The following DNASE1L3 variants were observed in gnomAD, a reference collection of about 807,000 sequenced individuals.
DNASE1L3 encodes deoxyribonuclease 1L3.
Under a neutral mutation model 30.9 loss-of-function variants are expected in DNASE1L3, and 27 were observed. The ratio of observed to expected loss-of-function variants is 0.87; its 90% CI spans 0.64 to 1.20. The LOEUF (loss-of-function observed/expected upper bound fraction) is 1.20, where lower values mean the gene tolerates loss of function less well. Among genes scored for constraint, DNASE1L3 ranks in the 50% most tolerant of loss-of-function variants. The pLI, the probability that DNASE1L3 is intolerant of heterozygous loss-of-function variation, is 0.00. For synonymous variants in DNASE1L3, 135 were observed against 138.0 expected (o/e 0.98, Z 0.15); for missense variants, 364 against 378.2 (o/e 0.96, Z 0.31).
Position 58,204,750 on chromosome 3 carries a change from A to G in DNASE1L3, c.433+19T>C, listed in dbSNP as rs775080201. The G allele has an allele frequency of 3.7e-6, 6 of 1,606,554 alleles. No homozygotes were observed. Among genetic ancestry groups the G allele is most frequent in the Non-Finnish European group, 4.3e-6 (5 of 1,173,696 alleles). ...GCCGTTGGGGAGGTCCCAGACAGAA[A>G]GGCCTGTGTGGGTCTTACCAGTGTG... is the stretch of plus-strand genomic sequence containing the variant. On this transcript the variant is annotated intron_variant, in intron 4 of 7. Coordinates refer to ENST00000394549, the MANE Select transcript of DNASE1L3 (RefSeq NM_004944.4).
intron 4 of DNASE1L3, among the ~76,000 whole-genome samples, chr3:58,202,344 G>A (rs1426130105): frequency 1.5e-5 from 1 of 68,334 alleles, no homozygotes; most frequent in Admixed American, 2.3e-4. Flanking sequence ...TTTTTTTTTG[G>A]TAGAGACAGG....
chr3:58,201,048 G>A lies in DNASE1L3; in HGVS notation c.495C>T (p.Ile165=), dbSNP rs142361820. The change falls in exon 5 of 8, where the codon ATC becomes ATT. Residue 165 remains isoleucine (I), a synonymous_variant. Transcript: ENST00000394549. ...CCGTGTAGACCTCAACCAACTCATCGATCTCCTTAACGGATGTCTCTGGGG... is the reference window on the plus strand; with the variant it reads ...CCGTGTAGACCTCAACCAACTCATCAATCTCCTTAACGGATGTCTCTGGGG... ...HTTPETSVKE[I]DELVEVYTDV... is the part of the protein sequence containing the mutation. The A allele has an allele frequency of 1.2e-5, 20 of 1,613,042 alleles. No homozygotes were observed. The highest frequency in any genetic ancestry group is 2.2e-5 in the East Asian group (1 of 44,836).
At chr3:58,208,695 AC>A (rs2097405665) in intron 1 of DNASE1L3, among the ~76,000 whole-genome samples, 1 of 152,210 alleles carries the variant, frequency 6.6e-6, no homozygotes, top group Non-Finnish European at 1.5e-5. Context: ...AAGATAACAG[AC>A]TGGATTAGAA....
At chr3:58,207,926 T>C (rs1054505817) in intron 2 of DNASE1L3, 28 of 330,462 alleles carry the variant, frequency 8.5e-5, no homozygotes, top group Non-Finnish European at 2.2e-5. Flanking sequence ...TTTTCTCTTT[T>C]CTCCAACATT....
chr3:58,204,633 G>T, intron 4 of DNASE1L3, 136 bp downstream of exon 4: 1 of 692,644 alleles, frequency 1.4e-6, no homozygotes, highest in South Asian at 1.9e-5. Flanking sequence ...GAACTGCATC[G>T]TCTACATTGA....
At chr3:58,208,619 G>A (rs1317366958) in intron 1 of DNASE1L3, among the ~76,000 whole-genome samples, 1 of 152,048 alleles carries the variant, frequency 6.6e-6, no homozygotes, top group Non-Finnish European at 1.5e-5. Flanking sequence ...ACAATATCCT[G>A]CCTCTTGGCT....
rs1378927455 is a variant in DNASE1L3 at position 58,197,257 on chromosome 3, G to A, written c.704+564C>T. ...ACAGAGAGCTTGTCTCTTGGTCACA[G>A]ACATATGAAGTGATAATGTCAGGAT... On this transcript the variant is annotated intron_variant, in intron 6 of 7. Transcript: ENST00000394549. The surrounding 1 kb of genome is among the most constrained non-coding windows in gnomAD (Gnocchi z 5.3). 6.6e-6 allele frequency among the ~76,000 whole-genome samples: 1 copy of A among 152,190 alleles called. No individual in the cohort carries two copies.
At chr3:58,199,395 C>T (rs1006593753) in intron 5 of DNASE1L3, among the ~76,000 whole-genome samples, 1 of 152,108 alleles carries the variant, frequency 6.6e-6, no homozygotes, top group African/African-American at 2.4e-5. Flanking sequence ...CCCAGCCAGG[C>T]GCCGTGGCTC....
At chr3:58,198,100 A>T in intron 5 of DNASE1L3, 122 bp from the exon 6 acceptor site, 1 of 1,156,196 alleles carries the variant, frequency 8.6e-7, no homozygotes, top group Non-Finnish European at 1.2e-6. Flanking sequence ...TATGGGCTGA[A>T]TCTTGTCTAC....
intron 1 of DNASE1L3, among the ~76,000 whole-genome samples, chr3:58,209,381 G>A (rs1425859422): frequency 1.3e-5 from 2 of 152,222 alleles, no homozygotes; most frequent in South Asian, 4.1e-4. Context: ...GAACTCAGTG[G>A]CTACCCAGGC....
At chr3:58,207,992 G>T in intron 2 of DNASE1L3, 5 of 421,700 alleles carry the variant, frequency 1.2e-5, no homozygotes, top group South Asian at 1.8e-4. Flanking sequence ...ATTTCTTTCT[G>T]TGTCCAGACC....
intron 1 of DNASE1L3, 21 bp downstream of exon 1, chr3:58,210,745 C>T (rs1230986322): frequency 6.2e-7 from 1 of 1,613,956 alleles, no homozygotes; most frequent in Non-Finnish European, 8.5e-7. Context: ...CTGGGATCCT[C>T]CTCCCAGGAA....
chr3:58,205,545 G>T lies in DNASE1L3; in HGVS notation c.246C>A (p.Gly82=). 6.2e-7 allele frequency: 1 copy of T among 1,613,726 alleles called. No individual in the cohort carries two copies. Among genetic ancestry groups the T allele is most frequent in the Non-Finnish European group, 8.5e-7 (1 of 1,179,610 alleles). The change falls in exon 3 of 8, where the codon GGC becomes GGA. Residue 82 remains glycine (G), a synonymous_variant. Coordinates refer to ENST00000394549, the MANE Select transcript of DNASE1L3 (RefSeq NM_004944.4). ...AGCTAATCACATAGTTGTACGTTAT[G>T]CCTCTCCTTGAATTTCTAGAAAACA... ...MEKLNRNSRR[G]ITYNYVISSR... is the part of the protein sequence containing the mutation.
At chr3:58,198,407 C>T (rs1227122411) in intron 5 of DNASE1L3, among the ~76,000 whole-genome samples, 1 of 152,230 alleles carries the variant, frequency 6.6e-6, no homozygotes, top group Non-Finnish European at 1.5e-5. Flanking sequence ...GGACTCCAGC[C>T]TCCAGAACGG....
In DNASE1L3 at chr3:58,204,807, C is replaced by T. The variant is rs1382594709; in HGVS notation, c.395G>A (p.Arg132Lys). ...YQDGDADVFS[R>K]EPFVVWFQSP... ...TTGGAACCAGACCACAAAGGGCTCCCTGGAAAACACATCTGCGTCTCCATC... is the reference window on the plus strand; with the variant it reads ...TTGGAACCAGACCACAAAGGGCTCCTTGGAAAACACATCTGCGTCTCCATC... The change falls in exon 4 of 8, where the codon AGG (arginine) becomes AAG (lysine). Residue 132 changes from arginine to lysine, a missense_variant. Transcript: ENST00000394549. The T allele has an allele frequency of 3.1e-6, 5 of 1,614,048 alleles. No individual in the cohort carries two copies. Among genetic ancestry groups the T allele is most frequent in the African/African-American group, 2.7e-5 (2 of 74,914 alleles).
chr3:58,196,567 A>C (rs2097397553), intron 6 of DNASE1L3, among the ~76,000 whole-genome samples: 2 of 150,974 alleles, frequency 1.3e-5, no homozygotes, highest in South Asian at 2.1e-4. Context: ...AAAAAAAAAA[A>C]AAAAAAAAAA....
intron 5 of DNASE1L3, among the ~76,000 whole-genome samples, chr3:58,199,354 G>GACCC (rs1346748673): frequency 6.6e-6 from 1 of 152,172 alleles, no homozygotes; most frequent in Non-Finnish European, 1.5e-5. Context: ...ACAGGACTGG[G>GACCC]AGGTTCAAAT....
At chr3:58,195,725 G>A (rs1236730438) in intron 6 of DNASE1L3, among the ~76,000 whole-genome samples, 1 of 151,358 alleles carries the variant, frequency 6.6e-6, no homozygotes, top group Non-Finnish European at 1.5e-5. Flanking sequence ...GGCGGAGGTT[G>A]CAGTGAGCCA....
At chr3:58,202,699 C>T (rs1260923291) in intron 4 of DNASE1L3, among the ~76,000 whole-genome samples, 1 of 151,290 alleles carries the variant, frequency 6.6e-6, no homozygotes, top group Non-Finnish European at 1.5e-5. Flanking sequence ...ACTAAAAATA[C>T]AAAATTAGCT....
Sources: allele counts gnomAD v4.1 joint callset (sites outside exome capture counted in the v4.1 genomes callset), GRCh38; gene constraint gnomAD v4.1.1; non-coding constraint Gnocchi (gnomAD v3.1); transcripts MANE v1.5; gene names NCBI Gene and HGNC (gene_info 2026-07-23, HGNC 2026-07-21).